BCL11A: variants seen among roughly 807,000 people sequenced by gnomAD.
The protein encoded by BCL11A is B cell CLL/lymphoma 11A.
BCL11A carries 2 observed loss-of-function variants against 55.9 expected under a neutral mutation model. That is an observed-to-expected ratio of 0.04 (90% CI 0.01 to 0.11). The LOEUF (loss-of-function observed/expected upper bound fraction) is 0.11. Ranked by LOEUF, BCL11A falls within the 10% of genes least tolerant of loss-of-function variation. The pLI is 1.00. For synonymous variants in BCL11A, 465 were observed against 473.4 expected (o/e 0.98, Z 0.23); for missense variants, 817 against 1,137.1 (o/e 0.72, Z 4.05).
downstream of BCL11A, chr2:60,452,745 A>T: frequency 2.6e-6 from 3 of 1,169,846 alleles, no homozygotes; most frequent in Non-Finnish European, 3.8e-6. Flanking sequence ...CTGTTCTCTA[A>T]CTAGCTTTTT....
At chr2:60,462,760 G>A (rs566021426) in intron 3 of BCL11A, among the ~76,000 whole-genome samples, 4 of 152,336 alleles carry the variant, frequency 2.6e-5, no homozygotes, top group Admixed American at 2.6e-4. Flanking sequence ...TCCATCAGCT[G>A]TAGTTTGGGG....
intron 2 of BCL11A, among the ~76,000 whole-genome samples, chr2:60,473,988 A>G (rs929920426): frequency 5.3e-5 from 8 of 152,222 alleles, no homozygotes; most frequent in Non-Finnish European, 8.8e-5. Flanking sequence ...AGACACTACA[A>G]TATAGAATTT....
chr2:60,502,808 T>C (rs923443181), intron 2 of BCL11A, among the ~76,000 whole-genome samples: 2 of 152,236 alleles, frequency 1.3e-5, no homozygotes, highest in Non-Finnish European at 2.9e-5. Context: ...ATTCTAGTCC[T>C]GTCACCCAGA....
intron 2 of BCL11A, among the ~76,000 whole-genome samples, chr2:60,497,180 C>G (rs1234487023): frequency 9.2e-5 from 14 of 152,202 alleles, no homozygotes. Context: ...TTCCTTTTCT[C>G]TAGCAAAGTC....
chr2:60,466,881 G>A (rs1221622173), intron 3 of BCL11A, among the ~76,000 whole-genome samples: 1 of 151,984 alleles, frequency 6.6e-6, no homozygotes, highest in Non-Finnish European at 1.5e-5. Context: ...TGTTTAGGGT[G>A]GAATCACTGC....
In BCL11A at chr2:60,553,469, GC is replaced by G; in HGVS notation, c.-200del. 1 of 129,394 alleles carries G rather than the reference GC, an allele frequency of 7.7e-6. No homozygotes were observed. 8.0% of individuals were successfully genotyped at this position (129,394 alleles called of 1,614,324 possible). ...GATGAATTGTGGGAGAGCCGTCATG[GC>G]TTTTTTTTAAGCAAAAAAAAAAAAA... On this transcript the variant is annotated 5_prime_UTR_variant, in exon 1 of 4. Coordinates refer to ENST00000642384, the MANE Select transcript of BCL11A (RefSeq NM_022893.4).
At chr2:60,534,760 G>A (rs577532374) in intron 2 of BCL11A, 4 of 152,370 alleles carry the variant, frequency 2.6e-5, no homozygotes, top group South Asian at 4.1e-4. Context: ...TGGGGCATCT[G>A]AGGAGGAGAG....
chr2:60,455,928 C>T (rs1443973052), downstream of BCL11A, among the ~76,000 whole-genome samples: 1 of 152,090 alleles, frequency 6.6e-6, no homozygotes, highest in Non-Finnish European at 1.5e-5. Context: ...TATATCTTTT[C>T]TAAGTTCAGT....
Position 60,468,780 on chromosome 2 carries a change from G to C in BCL11A, c.439C>G (p.Leu147Val), listed in dbSNP as rs766674364. Residue 147 changes from leucine to valine, a missense_variant, in exon 3 of 4, where the codon CTA (leucine) becomes GTA (valine). By Grantham distance (32) the Leu-to-Val change is conservative. Coordinates refer to ENST00000642384, the MANE Select transcript of BCL11A (RefSeq NM_022893.4). Reference sequence around the variant, plus strand: ...GCACTCATCCCAGGCGTGGGGATTAGAGCTCCATGTGCAGAACGAGGGGAG... The same window carrying C: ...GCACTCATCCCAGGCGTGGGGATTACAGCTCCATGTGCAGAACGAGGGGAG... ...LSSPRSAHGA[L>V]IPTPGMSAEY... The C allele has an allele frequency of 1.9e-6, 3 of 1,609,344 alleles. No individual in the cohort carries two copies. The highest frequency in any genetic ancestry group is 2.7e-5 in the African/African-American group (2 of 74,538).
Position 60,538,737 on chromosome 2 carries a change from CTCTGTGTGTGTGTGTG to C in BCL11A, c.385+7218_385+7233del, listed in dbSNP as rs1347464563. ...ACTGAATGTCTCTCTCTCTCTCTCT[CTCTGTGTGTGTGTGTG>C]TGTGTGTGTGTGTGTGTGTGTGTGT... is the stretch of plus-strand genomic sequence containing the variant. On this transcript the variant is annotated intron_variant, in intron 2 of 3. Transcript: ENST00000642384. 2.0e-3 allele frequency among the ~76,000 whole-genome samples: 240 copies of C among 118,754 alleles called. 2 individuals carry two copies. Among genetic ancestry groups the C allele is most frequent in the Non-Finnish European group, 2.2e-3 (124 of 55,590 alleles). 77.9% of individuals were successfully genotyped at this position (118,754 alleles called of 152,430 possible).
In BCL11A at chr2:60,467,702, GTAC is replaced by G. The variant is rs1295184340; in HGVS notation, c.487+1027_487+1029del. Among the ~76,000 whole-genome samples the G allele has an allele frequency of 2.8e-3, 135 of 48,164 alleles. 9 individuals are homozygous for G. The highest frequency in any genetic ancestry group is 0.011 in the South Asian group (13 of 1,232). 31.6% of individuals were successfully genotyped at this position (48,164 alleles called of 152,430 possible). A position where few individuals can be genotyped will look rare whatever the true frequency, so the allele number is the denominator to read the frequency against. ...GGTGATGGTGGTGGTGGTGGTGATG[GTAC>G]TGGTGGTGATGGTACTGGTGGTGAT... On this transcript the variant is annotated intron_variant, in intron 3 of 3. Coordinates refer to ENST00000642384, the MANE Select transcript of BCL11A (RefSeq NM_022893.4).
chr2:60,538,718 T>C (rs962296297), intron 2 of BCL11A, among the ~76,000 whole-genome samples: 14 of 60,366 alleles, frequency 2.3e-4, no homozygotes, highest in African/African-American at 8.2e-4. Context: ...TTAAACTGAA[T>C]GTCTCTCTCT....
chr2:60,459,178 C>T lies in BCL11A; in HGVS notation c.*1226G>A. On this transcript the variant is annotated 3_prime_UTR_variant, in exon 4 of 4. Coordinates refer to ENST00000642384, the MANE Select transcript of BCL11A (RefSeq NM_022893.4). ...CTCTGTCAAACCTTATTGTCAGCCT[C>T]TTCCTTTCAATATGGTATACAAGGT... 9.8e-7 allele frequency: 1 copy of T among 1,023,566 alleles called. No individual in the cohort carries two copies. The highest frequency in any genetic ancestry group is 1.7e-5 in the African/African-American group (1 of 58,892). 63.4% of individuals were successfully genotyped at this position (1,023,566 alleles called of 1,614,324 possible).
At chr2:60,469,658 AT>A (rs1195133926) in intron 2 of BCL11A, among the ~76,000 whole-genome samples, 1 of 152,232 alleles carries the variant, frequency 6.6e-6, no homozygotes, top group Non-Finnish European at 1.5e-5. Flanking sequence ...TCTCACACTA[AT>A]AAAATGAATC....
chr2:60,473,017 ATG>A (rs1305749918), intron 2 of BCL11A, among the ~76,000 whole-genome samples: 2 of 131,174 alleles, frequency 1.5e-5, no homozygotes, highest in African/African-American at 2.5e-5. Flanking sequence ...ATGTGTACAT[ATG>A]TGTGTTAGCG....
At chr2:60,498,512 TG>T (rs1406515060) in intron 2 of BCL11A, among the ~76,000 whole-genome samples, 1 of 152,206 alleles carries the variant, frequency 6.6e-6, no homozygotes, top group Non-Finnish European at 1.5e-5. Flanking sequence ...AGGAAGGCAA[TG>T]GGCTGCCCCA....
intron 2 of BCL11A, among the ~76,000 whole-genome samples, chr2:60,486,586 G>A (rs1480301550): frequency 6.6e-6 from 1 of 152,232 alleles, no homozygotes; most frequent in Non-Finnish European, 1.5e-5. Context: ...TGATGGACAT[G>A]AGATCCTCTG....
At chr2:60,503,147 G>A (rs987733135) in intron 2 of BCL11A, among the ~76,000 whole-genome samples, 1 of 152,212 alleles carries the variant, frequency 6.6e-6, no homozygotes, top group South Asian at 2.1e-4. Context: ...GAGCAGGAAT[G>A]AGTCCACCTT....
At chr2:60,485,732 A>G (rs919096139) in intron 2 of BCL11A, among the ~76,000 whole-genome samples, 1 of 152,214 alleles carries the variant, frequency 6.6e-6, no homozygotes, top group Non-Finnish European at 1.5e-5. Flanking sequence ...TGTCAAACAC[A>G]GTCTATAAAT....
Sources: allele counts gnomAD v4.1 joint callset (sites outside exome capture counted in the v4.1 genomes callset), GRCh38; gene constraint gnomAD v4.1.1; transcripts MANE v1.5; gene names NCBI Gene and HGNC (gene_info 2026-07-23, HGNC 2026-07-21).